The following FHIT variants were observed in gnomAD, a reference collection of about 807,000 sequenced individuals.
The protein encoded by FHIT is bis(5'-adenosyl)-triphosphatase.
In FHIT, 19 loss-of-function variants were observed where a neutral mutation model predicts 17.9. That is an observed-to-expected ratio of 1.06 (90% confidence interval 0.74 to 1.56). The LOEUF (loss-of-function observed/expected upper bound fraction) is 1.56, where lower values mean the gene tolerates loss of function less well. Among genes scored for constraint, FHIT ranks in the 40% most tolerant of loss-of-function variants. FHIT has a pLI of 0.00. For missense variants in FHIT, 248 were observed against 189.2 expected, an observed-to-expected ratio of 1.31 and a Z score of -1.82; for synonymous variants, 81 against 69.7, an observed-to-expected ratio of 1.16 and a Z score of -0.81.
In FHIT at chr3:60,536,852, A is replaced by C. The variant is rs1206985051; in HGVS notation, c.103+8T>G. 6.3e-7 allele frequency: 1 copy of C among 1,575,130 alleles called. No homozygotes were observed. The highest frequency in any genetic ancestry group is 2.2e-5 in the East Asian group (1 of 44,576). On this transcript the variant is annotated splice_region_variant and intron_variant, in intron 5 of 9. Transcript: ENST00000492590. ...TTTTCCCTCTCCAAAAAAAAAAAGA[A>C]AGGATACGTCCTGGTACCACAGGTT...
intron 2 of FHIT, among the ~76,000 whole-genome samples, chr3:61,151,890 C>T (rs1560023257): frequency 6.6e-6 from 1 of 152,108 alleles, no homozygotes. Flanking sequence ...GCCTGATATT[C>T]TTTTCTTAAA....
intron 4 of FHIT, among the ~76,000 whole-genome samples, chr3:60,626,746 G>GAT (rs1559594744): frequency 6.7e-6 from 1 of 148,500 alleles, no homozygotes; most frequent in Non-Finnish European, 1.5e-5. Flanking sequence ...GGCAAGAGGG[G>GAT]ATATCTGTGC....
At chr3:60,095,526 T>C (rs563070165) in intron 5 of FHIT, among the ~76,000 whole-genome samples, 1 of 152,340 alleles carries the variant, frequency 6.6e-6, no homozygotes, top group East Asian at 1.9e-4. Context: ...GCATATTCTT[T>C]CTGATTTGAT....
At chr3:60,399,924 AC>A (rs1343631929) in intron 5 of FHIT, among the ~76,000 whole-genome samples, 1 of 152,116 alleles carries the variant, frequency 6.6e-6, no homozygotes, top group African/African-American at 2.4e-5. Context: ...TTTTAAGTAA[AC>A]CCTGCTTCTG....
chr3:59,952,944 T>C (rs6789121), intron 7 of FHIT, among the ~76,000 whole-genome samples: 1,644 of 152,058 alleles, frequency 0.011, 31 homozygotes, highest in African/African-American at 0.037. Context: ...TGGTCCACAA[T>C]CTAAATCTAG....
chr3:59,909,180 C>T lies in FHIT; in HGVS notation c.348+13166G>A, dbSNP rs117152541. Reference sequence around the variant, plus strand: ...TCCTGAGTAGCTGGCACTATAGGCACGCACCATCGACCCAGCTAATTTTTT... The same window carrying T: ...TCCTGAGTAGCTGGCACTATAGGCATGCACCATCGACCCAGCTAATTTTTT... On this transcript the variant is annotated intron_variant, in intron 8 of 9. Coordinates refer to ENST00000492590, the MANE Select transcript of FHIT (RefSeq NM_002012.4). Among the ~76,000 whole-genome samples, 189 of 151,958 alleles carry T rather than the reference C, an allele frequency of 1.2e-3. 2 individuals are homozygous for T. The East Asian group carries it at 0.032, about 26-fold the overall frequency.
intron 1 of FHIT, among the ~76,000 whole-genome samples, chr3:61,239,214 A>G (rs1446192781): frequency 6.6e-6 from 1 of 152,202 alleles, no homozygotes; most frequent in Non-Finnish European, 1.5e-5. Context: ...GGACAGGAGC[A>G]TTACCCATGG....
At chr3:59,762,122 C>A (rs1051279629) in intron 8 of FHIT, among the ~76,000 whole-genome samples, 2 of 152,020 alleles carry the variant, frequency 1.3e-5, no homozygotes, top group African/African-American at 2.4e-5. Flanking sequence ...GACTAACAGG[C>A]GGGTAGTGTA....
intron 3 of FHIT, among the ~76,000 whole-genome samples, chr3:60,949,848 T>C (rs1488755251): frequency 6.6e-6 from 1 of 152,220 alleles, no homozygotes; most frequent in Non-Finnish European, 1.5e-5. Flanking sequence ...TGTTCATCAC[T>C]GCATCATTTA....
chr3:60,828,408 T>A (rs139978683), intron 3 of FHIT, among the ~76,000 whole-genome samples: 5 of 152,274 alleles, frequency 3.3e-5, no homozygotes, highest in African/African-American at 9.6e-5. Flanking sequence ...GTTTAGTAAT[T>A]AATTACTTTT....
chr3:60,496,621 G>C (rs571288059), intron 5 of FHIT, among the ~76,000 whole-genome samples: 1 of 152,298 alleles, frequency 6.6e-6, no homozygotes, highest in East Asian at 1.9e-4. Flanking sequence ...ACAACATGGT[G>C]ATTCCACTGC....
intron 5 of FHIT, among the ~76,000 whole-genome samples, chr3:60,244,829 T>C (rs549130728): frequency 2.0e-5 from 3 of 152,248 alleles, no homozygotes; most frequent in Non-Finnish European, 4.4e-5. Flanking sequence ...CTTTTAATTT[T>C]AGTTATGATT....
intron 4 of FHIT, among the ~76,000 whole-genome samples, chr3:60,802,031 C>T (rs41505547): frequency 0.07 from 10,659 of 152,282 alleles, 483 homozygotes; most frequent in Non-Finnish European, 0.078. Flanking sequence ...ATCCAACCTT[C>T]CTGTTTAACA....
intron 4 of FHIT, among the ~76,000 whole-genome samples, chr3:60,546,129 T>C (rs1265315665): frequency 6.6e-6 from 1 of 152,212 alleles, no homozygotes; most frequent in Non-Finnish European, 1.5e-5. Flanking sequence ...CTATAGCATC[T>C]TGTTTTCTAT....
chr3:60,785,711 G>C (rs1487993541), intron 4 of FHIT, among the ~76,000 whole-genome samples: 3 of 152,156 alleles, frequency 2.0e-5, no homozygotes, highest in African/African-American at 7.2e-5. Context: ...GGCAAAAAGA[G>C]TATCCTGGGC....
chr3:60,831,760 G>C (rs1553742592), intron 3 of FHIT, among the ~76,000 whole-genome samples: 4 of 152,216 alleles, frequency 2.6e-5, no homozygotes, highest in African/African-American at 9.6e-5. Flanking sequence ...AGACCACCCA[G>C]CTGCTCTGAG....
chr3:59,868,700 C>T (rs189922408), intron 8 of FHIT, among the ~76,000 whole-genome samples: 7 of 152,250 alleles, frequency 4.6e-5, no homozygotes, highest in Admixed American at 3.9e-4. Context: ...CCCTCTCCAT[C>T]GATTTGCTTC....
At chr3:60,171,801 G>T (rs1344645470) in intron 5 of FHIT, among the ~76,000 whole-genome samples, 5 of 152,042 alleles carry the variant, frequency 3.3e-5, no homozygotes, top group African/African-American at 4.8e-5. Flanking sequence ...GAACTTCTGG[G>T]CTCAAGCAAT....
chr3:59,776,971 A>G (rs1318856758), intron 8 of FHIT, among the ~76,000 whole-genome samples: 1 of 152,088 alleles, frequency 6.6e-6, no homozygotes, highest in African/African-American at 2.4e-5. Flanking sequence ...CCCACCACAC[A>G]TGGAATAAAA....
Sources: gnomAD v4.1 joint callset for allele counts (sites outside exome capture counted in the v4.1 genomes callset) on GRCh38, gnomAD v4.1.1 for gene constraint, MANE v1.5 for transcripts, NCBI Gene and HGNC (gene_info 2026-07-23, HGNC 2026-07-21) for gene names.